GMEB1: variants seen among roughly 807,000 people sequenced by gnomAD.
The protein encoded by GMEB1 is glucocorticoid modulatory element binding protein 1.
In GMEB1, 6 loss-of-function variants were observed where a neutral mutation model predicts 52.4. The ratio of observed to expected loss-of-function variants is 0.11; its 90% confidence interval spans 0.06 to 0.23. The LOEUF (loss-of-function observed/expected upper bound fraction) is 0.23, where lower values mean the gene tolerates loss of function less well. GMEB1 is among the 10% of genes least tolerant of loss of function. The probability of loss-of-function intolerance (pLI) is 1.00; values close to 1 mark genes in which losing one functional copy is unlikely to be tolerated. For missense variants in GMEB1, 486 were observed against 685.6 expected, an observed-to-expected ratio of 0.71 and a Z score of 3.25; for synonymous variants, 255 against 244.9, an observed-to-expected ratio of 1.04 and a Z score of -0.38.
At chr1:28,670,550 A>G (rs1024425232) in intron 1 of GMEB1, among the ~76,000 whole-genome samples, 1 of 151,646 alleles carries the variant, frequency 6.6e-6, no homozygotes, top group Non-Finnish European at 1.5e-5. Context: ...CTGGTCTCGA[A>G]CTCCCAACCT....
chr1:28,717,185 G>GTTTTTTTTTTTTTTTTTTTTTTTTTTT lies in GMEB1; in HGVS notation c.*2428_*2429insTTTTTTTTTTTTTTTTTTTTTTTTTTT, dbSNP rs71027293. The GTTTTTTTTTTTTTTTTTTTTTTTTTTT allele has an allele frequency of 7.2e-6, 1 of 139,210 alleles. No homozygotes were observed. The highest frequency in any genetic ancestry group is 1.5e-5 in the Non-Finnish European group (1 of 64,660). The allele number at this position is 139,210 out of a possible 1,614,324, so 8.6% of individuals were successfully genotyped here. On this transcript the variant is annotated 3_prime_UTR_variant, in exon 10 of 10. Coordinates refer to ENST00000373816, the MANE Select transcript of GMEB1 (RefSeq NM_001319674.2). ...AACCCTGTAACATGGTAAGGTTGCTGTTTTTTTTTTTTTTTTCTTTTTGAG... is the reference window on the plus strand; with the variant it reads ...AACCCTGTAACATGGTAAGGTTGCTGTTTTTTTTTTTTTTTTTTTTTTTTTTTTTTTTTTTTTTTTTTTCTTTTTGAG...
At chr1:28,691,550 G>T (rs2124513357) in intron 3 of GMEB1, 35 bp from the exon 4 acceptor site, 3 of 1,452,948 alleles carry the variant, frequency 2.1e-6, no homozygotes, top group East Asian at 5.1e-5. Context: ...GGGAAGAGTT[G>T]TTTGATAAAT....
intron 6 of GMEB1, among the ~76,000 whole-genome samples, chr1:28,699,067 A>T (rs534036790): frequency 2.0e-5 from 3 of 152,322 alleles, no homozygotes; most frequent in Admixed American, 2.0e-4. Flanking sequence ...TTCACCCATT[A>T]TACTGAGGTG....
intron 6 of GMEB1, among the ~76,000 whole-genome samples, chr1:28,700,862 G>C (rs1339761302): frequency 1.3e-5 from 2 of 152,084 alleles, no homozygotes; most frequent in Non-Finnish European, 2.9e-5. Context: ...ACTGTGAAAT[G>C]CTATTTACAG....
chr1:28,671,758 A>G (rs1046775941), intron 1 of GMEB1, among the ~76,000 whole-genome samples: 5 of 151,732 alleles, frequency 3.3e-5, no homozygotes, highest in African/African-American at 1.2e-4. Flanking sequence ...AAAAATAAAT[A>G]AATAAATATA....
At chr1:28,672,743 T>C (rs1256947865) in intron 1 of GMEB1, among the ~76,000 whole-genome samples, 18 of 148,838 alleles carry the variant, frequency 1.2e-4, no homozygotes, top group African/African-American at 4.2e-4. Flanking sequence ...TTCCTTTTTT[T>C]TTTTTTTTTT....
At chr1:28,711,300 G>A (rs200865677) in intron 9 of GMEB1, among the ~76,000 whole-genome samples, 55 of 146,806 alleles carry the variant, frequency 3.7e-4, no homozygotes, top group Admixed American at 6.2e-4. Flanking sequence ...AAAAAAAAAA[G>A]AAAAAAAAAC....
Position 28,702,482 on chromosome 1 carries a change from G to T in GMEB1, c.643G>T (p.Ala215Ser), listed in dbSNP as rs1383950199. The T allele has an allele frequency of 2.5e-6, 4 of 1,613,138 alleles. No homozygotes were observed. The highest frequency in any genetic ancestry group is 1.3e-5 in the African/African-American group (1 of 74,896). Reference protein sequence around the residue: ...IAISEESMEEAGLEWNSALTA... With the variant: ...IAISEESMEESGLEWNSALTA... ...CATCTCAGAAGAGAGCATGGAAGAG[G>T]CAGGGCTGGAATGGAACTCAGCTCT... Residue 215 changes from alanine (A) to serine (S), a missense_variant, in exon 7 of 10, where the codon GCA becomes TCA. By Grantham distance (99) the Ala-to-Ser change is moderately conservative. This residue lies in a region of GMEB1 where 200 missense variants were observed against 253.5 expected (regional missense o/e 0.79). Coordinates refer to ENST00000373816, the MANE Select transcript of GMEB1 (RefSeq NM_001319674.2).
In GMEB1 at chr1:28,701,338, C is replaced by T. The variant is rs143876806; in HGVS notation, c.599-1100C>T. ...TGGATGGAGTCCAGTGGCGCGATCT[C>T]GGCTCACTGCAAGCTCCGCCTCCCG... is the stretch of plus-strand genomic sequence containing the variant. On this transcript the variant is annotated intron_variant, in intron 6 of 9. Coordinates refer to ENST00000373816, the MANE Select transcript of GMEB1 (RefSeq NM_001319674.2). Among the ~76,000 whole-genome samples, 408 of 146,924 alleles carry T rather than the reference C, an allele frequency of 2.8e-3. 2 individuals are homozygous for T. The highest frequency in any genetic ancestry group is 9.8e-3 in the African/African-American group (388 of 39,472).
In GMEB1 at chr1:28,717,939, C is replaced by G. The variant is rs1394826710; in HGVS notation, c.*3166C>G. ...AATGTCAAGAGATTTCCTCAAACAG[C>G]CTGTTTACTAGATGAATTTTCCAGC... On this transcript the variant is annotated 3_prime_UTR_variant, in exon 10 of 10. Coordinates refer to ENST00000373816, the MANE Select transcript of GMEB1 (RefSeq NM_001319674.2). 1 of 152,136 alleles carries G rather than the reference C, an allele frequency of 6.6e-6. No homozygotes were observed. Among genetic ancestry groups the G allele is most frequent in the African/African-American group, 2.4e-5 (1 of 41,436 alleles). 9.4% of individuals were successfully genotyped at this position (152,136 alleles called of 1,614,324 possible). A position where few individuals can be genotyped will look rare whatever the true frequency, so the allele number is the denominator to read the frequency against.
rs1032507818 is a variant in GMEB1 at position 28,718,846 on chromosome 1, T to A, written c.*4073T>A. 4 of 151,948 alleles carry A rather than the reference T, an allele frequency of 2.6e-5. No homozygotes were observed. Among genetic ancestry groups the A allele is most frequent in the African/African-American group, 9.7e-5 (4 of 41,342 alleles). 9.4% of individuals were successfully genotyped at this position (151,948 alleles called of 1,614,324 possible). On this transcript the variant is annotated 3_prime_UTR_variant, in exon 10 of 10. Transcript: ENST00000373816. ...TGAAGTGCCTAACCCAGCTTAGCGG[T>A]GTAGAGGTGGGGTCAGCAAATAAGG...
chr1:28,683,992 C>A (rs556407996), intron 2 of GMEB1, among the ~76,000 whole-genome samples: 1 of 151,926 alleles, frequency 6.6e-6, no homozygotes, highest in Non-Finnish European at 1.5e-5. Flanking sequence ...TTGCATGGCT[C>A]CCTCATCTTA....
chr1:28,701,345 C>T (rs566328076), intron 6 of GMEB1, among the ~76,000 whole-genome samples: 1 of 147,060 alleles, frequency 6.8e-6, no homozygotes, highest in East Asian at 2.1e-4. Context: ...TCTCGGCTCA[C>T]TGCAAGCTCC....
intron 8 of GMEB1, among the ~76,000 whole-genome samples, chr1:28,708,355 G>A (rs2318373): frequency 0.38 from 57,106 of 151,698 alleles, 12,409 homozygotes; most frequent in East Asian, 0.76. Context: ...TAGTAGAGGC[G>A]GGGTTTCACT....
rs1242840628 is a variant in GMEB1, at chr1:28,687,387, C to CAAAAAA, written c.129-2715_129-2710dup. On this transcript the variant is annotated intron_variant, in intron 2 of 9. Transcript: ENST00000373816. ...ACACACACACACACACACACACACACAAAAAAAGACAGTGGAGAATAATGT... is the reference window on the plus strand; with the variant it reads ...ACACACACACACACACACACACACACAAAAAAAAAAAAAGACAGTGGAGAATAATGT... 2.1e-3 allele frequency among the ~76,000 whole-genome samples: 87 copies of CAAAAAA among 41,122 alleles called. 25 individuals carry two copies. Among genetic ancestry groups the CAAAAAA allele is most frequent in the Non-Finnish European group, 2.5e-3 (56 of 22,648 alleles). The allele number at this position is 41,122 out of a possible 152,430, so 27.0% of individuals were successfully genotyped here. A position where few individuals can be genotyped will look rare whatever the true frequency, so the allele number is the denominator to read the frequency against.
At chr1:28,696,747 G>A (rs746568267) in intron 5 of GMEB1, among the ~76,000 whole-genome samples, 180 bp from the exon 6 acceptor site, 4 of 152,006 alleles carry the variant, frequency 2.6e-5, no homozygotes, top group Non-Finnish European at 5.9e-5. Flanking sequence ...AATGTGGGCA[G>A]GACCAGTGAA....
At chr1:28,674,174 A>G (rs1481452341) in intron 1 of GMEB1, among the ~76,000 whole-genome samples, 1 of 151,630 alleles carries the variant, frequency 6.6e-6, no homozygotes, top group African/African-American at 2.4e-5. Context: ...AGTTAATGAA[A>G]AAAAGGAAAA....
chr1:28,701,268 C>CTTTTTTTTTTTTTTTTTTTTTT (rs67909525), intron 6 of GMEB1, among the ~76,000 whole-genome samples: 1 of 109,828 alleles, frequency 9.1e-6, no homozygotes. Context: ...TAAAAGCTGT[C>CTTTTTTTTTTTTTTTTTTTTTT]TTTTTTTTTT....
rs377167679 is a variant in GMEB1, at chr1:28,714,136, C to T, written c.1055C>T (p.Thr352Ile). 13 of 1,614,002 alleles carry T rather than the reference C, an allele frequency of 8.1e-6. No individual in the cohort carries two copies. In the African/African-American group the frequency reaches 1.7e-4, roughly 22 times the overall value. The change falls in exon 10 of 10, where the codon ACA (threonine) becomes ATA (isoleucine). Residue 352 changes from threonine to isoleucine, a missense_variant. Physicochemically the swap from Thr to Ile is moderately conservative, Grantham distance 89. This residue lies in a region of GMEB1 where 200 missense variants were observed against 253.5 expected (regional missense o/e 0.79). Coordinates refer to ENST00000373816, the MANE Select transcript of GMEB1 (RefSeq NM_001319674.2). ...CAGGATCACAGGCTGAAATCTCAGA[C>T]AGTTCAAAATGTGGTACTGATGCCT... ...QGQDHRLKSQ[T>I]VQNVVLMPVS...
Sources: allele counts gnomAD v4.1 joint callset (sites outside exome capture counted in the v4.1 genomes callset), GRCh38; gene constraint gnomAD v4.1.1; regional missense constraint gnomAD v4.1.1; transcripts MANE v1.5; gene names NCBI Gene and HGNC (gene_info 2026-07-23, HGNC 2026-07-21).